CRHR2: variants seen among roughly 807,000 people sequenced by gnomAD.
CRHR2 encodes the protein corticotropin releasing hormone receptor 2.
CRHR2 carries 53 observed loss-of-function variants against 57.9 expected under a neutral mutation model. The observed-to-expected ratio is 0.92, with a 90% confidence interval of 0.73 to 1.15. CRHR2 has a LOEUF of 1.15. CRHR2 is among the 50% of genes most tolerant of loss of function. The probability of loss-of-function intolerance (pLI) is 0.00; values close to 1 mark genes in which losing one functional copy is unlikely to be tolerated. For synonymous variants in CRHR2, 213 were observed against 220.9 expected, an observed-to-expected ratio of 0.96 and a Z score of 0.32; for missense variants, 532 against 542.6, an observed-to-expected ratio of 0.98 and a Z score of 0.19.
In CRHR2 at chr7:30,682,011, C is replaced by G; in HGVS notation, c.133G>C (p.Asp45His). 1.2e-6 allele frequency: 2 copies of G among 1,601,742 alleles called. No individual in the cohort carries two copies. Among genetic ancestry groups the G allele is most frequent in the Non-Finnish European group, 1.7e-6 (2 of 1,174,680 alleles). The change falls in exon 2 of 12, where the codon GAC becomes CAC. Residue 45 changes from aspartate (D) to histidine (H), a missense_variant. Asp to His is a moderately conservative substitution (Grantham distance 81, BLOSUM62 -1). Coordinates refer to ENST00000471646, the MANE Select transcript of CRHR2 (RefSeq NM_001883.5). ...GPYSYCNTTL[D>H]QIGTCWPRSA... is the part of the protein sequence containing the mutation. ...CGGGGCCAGCACGTTCCGATCTGGT[C>G]CAAGGTCGTGTTGCAGTAGGAGTAG...
chr7:30,672,014 G>C (rs372908669), intron 2 of CRHR2, among the ~76,000 whole-genome samples: 12 of 152,326 alleles, frequency 7.9e-5, no homozygotes, highest in African/African-American at 2.9e-4. Context: ...ACATGGGATC[G>C]GAACTTTCAG....
Position 30,653,068 on chromosome 7 carries a change from C to A in CRHR2, c.*392G>T, listed in dbSNP as rs1783646919. The A allele has an allele frequency of 5.2e-6, 1 of 191,548 alleles. No homozygotes were observed. The highest frequency in any genetic ancestry group is 2.3e-5 in the African/African-American group (1 of 43,076). 11.9% of individuals were successfully genotyped at this position (191,548 alleles called of 1,614,324 possible). A position where few individuals can be genotyped will look rare whatever the true frequency, so the allele number is the denominator to read the frequency against. ...GGGCCAGTGCAGGGCCACACCATTGCCTGGCTGCTGGCTCCATGAGTAGGG... is the reference window on the plus strand; with the variant it reads ...GGGCCAGTGCAGGGCCACACCATTGACTGGCTGCTGGCTCCATGAGTAGGG... On this transcript the variant is annotated 3_prime_UTR_variant, in exon 12 of 12. Coordinates refer to ENST00000471646, the MANE Select transcript of CRHR2 (RefSeq NM_001883.5). This position sits in a 1 kb window ranked among gnomAD's most constrained non-coding sequence, Gnocchi z 5.0.
At chr7:30,692,861 GGTAAGGGGCAGAGGCAA>G (rs1200856976) in intron 1 of CRHR2, among the ~76,000 whole-genome samples, 3 of 152,338 alleles carry the variant, frequency 2.0e-5, no homozygotes, top group African/African-American at 7.2e-5. Flanking sequence ...TCCCACTTCA[GGTAAGGGGCAGAGGCAA>G]GATTCAAGCC....
In CRHR2 at chr7:30,655,035, A is replaced by C; in HGVS notation, c.1095+4T>G. On this transcript the variant is annotated splice_donor_region_variant and intron_variant, in intron 11 of 11. Transcript: ENST00000471646. ...CAGGCCACCCCGAGGGCCCAGCTTC[A>C]TACCTCTCCATTGAAGAAGCAGTAG... 6.2e-7 allele frequency: 1 copy of C among 1,613,038 alleles called. No homozygotes were observed. Among genetic ancestry groups the C allele is most frequent in the African/African-American group, 1.3e-5 (1 of 74,988 alleles).
intron 1 of CRHR2, among the ~76,000 whole-genome samples, chr7:30,691,915 A>G (rs184593660): frequency 6.6e-6 from 1 of 152,220 alleles, no homozygotes; most frequent in African/African-American, 2.4e-5. Context: ...CACATGGTCC[A>G]GGAAAGTCAG....
chr7:30,662,923 A>G (rs1784068562), intron 5 of CRHR2, 76 bp from the exon 6 acceptor site: 6 of 1,548,208 alleles, frequency 3.9e-6, no homozygotes, highest in Non-Finnish European at 5.3e-6. Flanking sequence ...AGGCAGGGCA[A>G]CAAGACACAG....
chr7:30,689,358 C>T, intron 1 of CRHR2: 1 of 1,232,322 alleles, frequency 8.1e-7, no homozygotes, highest in Non-Finnish European at 1.2e-6. Context: ...TGCCCCCATC[C>T]TATCCTATCA....
At position 30,653,327 on chromosome 7, in the gene CRHR2, T is replaced by C. The variant is rs1783654123; in HGVS notation, c.*133A>G. 3.7e-6 allele frequency: 5 copies of C among 1,351,766 alleles called. 1 individual carries two copies. The highest frequency in any genetic ancestry group is 2.8e-5 in the South Asian group (2 of 70,716). The allele number at this position is 1,351,766 out of a possible 1,614,324, so 83.7% of individuals were successfully genotyped here. On this transcript the variant is annotated 3_prime_UTR_variant, in exon 12 of 12. Coordinates refer to ENST00000471646, the MANE Select transcript of CRHR2 (RefSeq NM_001883.5). The surrounding 1 kb of genome is among the most constrained non-coding windows in gnomAD (Gnocchi z 5.0). ...AGTCCCCCTTGGCTGCCGCACCCCC[T>C]CTTTCCTGCCAGGCTGGAGAGCTGG...
chr7:30,654,884 G>A, intron 11 of CRHR2, 155 bp downstream of exon 11: 2 of 1,549,254 alleles, frequency 1.3e-6, no homozygotes. Context: ...TCCAGCCCCT[G>A]TGAGAAGGAT....
chr7:30,666,110 G>C (rs1460885716), intron 3 of CRHR2, among the ~76,000 whole-genome samples: 2 of 152,148 alleles, frequency 1.3e-5, no homozygotes, highest in Non-Finnish European at 2.9e-5. Flanking sequence ...TGCTTCTCCT[G>C]AGTTTAGTCT....
At chr7:30,688,460 C>T (rs575667654) in intron 2 of CRHR2, among the ~76,000 whole-genome samples, 5 of 152,306 alleles carry the variant, frequency 3.3e-5, no homozygotes, top group Middle Eastern at 3.4e-3. Flanking sequence ...ATCCCAACAC[C>T]GGAGCTATTG....
upstream of CRHR2, chr7:30,686,505 C>A (rs1784860415): frequency 6.6e-7 from 1 of 1,509,860 alleles, no homozygotes; most frequent in South Asian, 1.2e-5. Context: ...TTCAAGGTAT[C>A]TTTGAATCCA....
In CRHR2 at chr7:30,655,727, A is replaced by C; in HGVS notation, c.918-12T>G. 6.2e-7 allele frequency: 1 copy of C among 1,611,964 alleles called. No homozygotes were observed. Among genetic ancestry groups the C allele is most frequent in the South Asian group, 1.1e-5 (1 of 90,790 alleles). On this transcript the variant is annotated splice_polypyrimidine_tract_variant and intron_variant, in intron 9 of 11. Transcript: ENST00000471646. ...CCTTCACTGCCTTCCTGGGGGCGAG[A>C]GGTGGACACAGGTCTGAGCCCATGC...
upstream of CRHR2, among the ~76,000 whole-genome samples, chr7:30,685,770 C>T (rs1172378670): frequency 6.6e-6 from 1 of 152,196 alleles, no homozygotes; most frequent in Non-Finnish European, 1.5e-5. Flanking sequence ...CTTACTTCTC[C>T]CAGGCCATCC....
At chr7:30,674,903 C>A (rs762954576) in intron 2 of CRHR2, among the ~76,000 whole-genome samples, 4 of 152,162 alleles carry the variant, frequency 2.6e-5, no homozygotes, top group Non-Finnish European at 5.9e-5. Flanking sequence ...GCTGACAATG[C>A]CTTAGCTGTC....
At position 30,655,567 on chromosome 7, in the gene CRHR2, T is replaced by A. The variant is rs756476920; in HGVS notation, c.1053+13A>T. 1.2e-6 allele frequency: 2 copies of A among 1,606,586 alleles called. No individual in the cohort carries two copies. Among genetic ancestry groups the A allele is most frequent in the African/African-American group, 2.7e-5 (2 of 74,878 alleles). ...AGCTCACTGTGGGGCCCCCATCTGGTCACAGGCCCCACCTGGAACGACTGC... is the reference window on the plus strand; with the variant it reads ...AGCTCACTGTGGGGCCCCCATCTGGACACAGGCCCCACCTGGAACGACTGC... On this transcript the variant is annotated intron_variant, in intron 10 of 11. Coordinates refer to ENST00000471646, the MANE Select transcript of CRHR2 (RefSeq NM_001883.5).
At chr7:30,660,695 AC>A in intron 7 of CRHR2, 50 bp from the exon 8 acceptor site, 1 of 1,525,514 alleles carries the variant, frequency 6.6e-7, no homozygotes, top group African/African-American at 1.4e-5. Flanking sequence ...GAACTGGGGG[AC>A]CCCCACAGAC....
intron 1 of CRHR2, among the ~76,000 whole-genome samples, chr7:30,693,568 A>C (rs1784999556): frequency 2.6e-5 from 4 of 152,240 alleles, no homozygotes; most frequent in Admixed American, 2.6e-4. Context: ...ACCTGTAAAT[A>C]GAAATGTTTC....
rs1268485260 is a variant in CRHR2 at position 30,662,230 on chromosome 7, A to C, written c.698-14T>G. On this transcript the variant is annotated splice_polypyrimidine_tract_variant and intron_variant, in intron 6 of 11. Coordinates refer to ENST00000471646, the MANE Select transcript of CRHR2 (RefSeq NM_001883.5). ...GGAAGGGGATGCCTGAAAGAAGGAA[A>C]GACTTGGGCTGCAGGGGACAGATGG... is the stretch of plus-strand genomic sequence containing the variant. The C allele has an allele frequency of 6.2e-7, 1 of 1,613,986 alleles. No individual in the cohort carries two copies. The highest frequency in any genetic ancestry group is 8.5e-7 in the Non-Finnish European group (1 of 1,179,992).
Sources: allele counts gnomAD v4.1 joint callset (sites outside exome capture counted in the v4.1 genomes callset), GRCh38; gene constraint gnomAD v4.1.1; non-coding constraint Gnocchi (gnomAD v3.1); transcripts MANE v1.5; gene names NCBI Gene and HGNC (gene_info 2026-07-23, HGNC 2026-07-21).